Variants in GALNT13 observed in about 807,000 individuals in gnomAD.
The protein encoded by GALNT13 is polypeptide N-acetylgalactosaminyltransferase 13, also known as UDP-GalNAc:polypeptide N-acetylgalactosaminyltransferase 13.
GALNT13 carries 28 observed loss-of-function variants against 64.2 expected under a neutral mutation model. That is an observed-to-expected ratio of 0.44 (90% CI 0.32 to 0.60). The LOEUF is 0.60. Among genes scored for constraint, GALNT13 ranks in the 20% least tolerant of loss-of-function variants. GALNT13 has a pLI of 0.05. For synonymous variants in GALNT13, 214 were observed against 224.6 expected, an observed-to-expected ratio of 0.95 and a Z score of 0.42; for missense variants, 577 against 669.8, an observed-to-expected ratio of 0.86 and a Z score of 1.53.
chr2:154,268,081 TTGAG>T (rs926191962), intron 8 of GALNT13, among the ~76,000 whole-genome samples: 3 of 152,216 alleles, frequency 2.0e-5, no homozygotes, highest in African/African-American at 7.2e-5. Flanking sequence ...TTAAACACTC[TTGAG>T]TATTTACTCA....
chr2:153,441,080 G>A, the GALNT13 span, among the ~76,000 whole-genome samples: 1 of 152,086 alleles, frequency 6.6e-6, no homozygotes, highest in Non-Finnish European at 1.5e-5. Context: ...TATGGTTTTA[G>A]GTTTTGCATT....
chr2:154,335,551 A>G (rs1695395372), intron 9 of GALNT13, among the ~76,000 whole-genome samples: 1 of 151,998 alleles, frequency 6.6e-6, no homozygotes, highest in African/African-American at 2.4e-5. Flanking sequence ...CAAAACACCA[A>G]GGATATTAAA....
At chr2:154,317,628 AG>A (rs1307905499) in intron 9 of GALNT13, among the ~76,000 whole-genome samples, 3 of 152,182 alleles carry the variant, frequency 2.0e-5, no homozygotes. Flanking sequence ...TCTAATAAAA[AG>A]CTTTTCAACC....
chr2:153,927,923 ATGT>A (rs1210096750), intron 2 of GALNT13, among the ~76,000 whole-genome samples: 1 of 152,114 alleles, frequency 6.6e-6, no homozygotes, highest in African/African-American at 2.4e-5. Context: ...CATGGATAAG[ATGT>A]TGTTAAAAAT....
At chr2:153,642,016 T>C in the GALNT13 span, among the ~76,000 whole-genome samples, 3 of 151,966 alleles carry the variant, frequency 2.0e-5, no homozygotes, top group East Asian at 1.9e-4. Flanking sequence ...AACTTAGAGT[T>C]TTTGGTATAT....
chr2:154,416,235 T>C (rs1574265922), intron 11 of GALNT13, among the ~76,000 whole-genome samples: 1 of 152,254 alleles, frequency 6.6e-6, no homozygotes, highest in South Asian at 2.1e-4. Flanking sequence ...CAGAAATTTA[T>C]TGTACACAGT....
the GALNT13 span, among the ~76,000 whole-genome samples, chr2:153,835,469 A>G: frequency 6.6e-6 from 1 of 152,080 alleles, no homozygotes; most frequent in South Asian, 2.1e-4. Context: ...AAATAATTAG[A>G]ATAAAGAATG....
chr2:154,359,133 C>A (rs1307993577), intron 9 of GALNT13, among the ~76,000 whole-genome samples: 1 of 152,018 alleles, frequency 6.6e-6, no homozygotes, highest in Non-Finnish European at 1.5e-5. Flanking sequence ...TTTTGACTTT[C>A]CTTCCCCTGC....
chr2:154,068,280 CA>C (rs1273826175), intron 3 of GALNT13, among the ~76,000 whole-genome samples: 1 of 151,898 alleles, frequency 6.6e-6, no homozygotes, highest in Non-Finnish European at 1.5e-5. Context: ...TAAATTAATA[CA>C]AGTACTATGG....
intron 8 of GALNT13, among the ~76,000 whole-genome samples, chr2:154,295,419 A>G (rs1025388951): frequency 6.6e-6 from 1 of 150,696 alleles, no homozygotes; most frequent in African/African-American, 2.4e-5. Flanking sequence ...GCTGGAGTGC[A>G]GTGGCGCGAC....
chr2:153,347,824 G>A, the GALNT13 span, among the ~76,000 whole-genome samples: 3 of 152,194 alleles, frequency 2.0e-5, no homozygotes, highest in African/African-American at 7.2e-5. Flanking sequence ...TTTACTCTTA[G>A]TAATCATTAT....
chr2:154,428,645 G>A (rs931008636), intron 11 of GALNT13, among the ~76,000 whole-genome samples: 2 of 152,082 alleles, frequency 1.3e-5, no homozygotes, highest in Non-Finnish European at 2.9e-5. Flanking sequence ...CCTACATGGA[G>A]CATGTCTATT....
At chr2:153,074,875 C>T in the GALNT13 span, among the ~76,000 whole-genome samples, 1 of 152,128 alleles carries the variant, frequency 6.6e-6, no homozygotes, top group Non-Finnish European at 1.5e-5. Context: ...GCTGAGATTA[C>T]ATACATGCCA....
At chr2:153,861,246 A>G in the GALNT13 span, among the ~76,000 whole-genome samples, 1 of 152,202 alleles carries the variant, frequency 6.6e-6, no homozygotes, top group African/African-American at 2.4e-5. Context: ...ATCTATTATT[A>G]TATGTAGTGT....
the GALNT13 span, among the ~76,000 whole-genome samples, chr2:153,452,718 C>T: frequency 2.0e-5 from 3 of 152,068 alleles, no homozygotes; most frequent in South Asian, 6.2e-4. Context: ...TCTACAGATT[C>T]AAGCTATTCC....
At position 154,196,762 on chromosome 2, in the gene GALNT13, A is replaced by G. The variant is rs747083227; in HGVS notation, c.312-45268A>G. Reference sequence around the variant, plus strand: ...ATAATTATAGATTTGGACTTTCACAATCAAAAGCTCTTTGGTTGCTCTTTG... The same window carrying G: ...ATAATTATAGATTTGGACTTTCACAGTCAAAAGCTCTTTGGTTGCTCTTTG... On this transcript the variant is annotated intron_variant, in intron 4 of 12. Transcript: ENST00000392825. 2.6e-5 allele frequency among the ~76,000 whole-genome samples: 4 copies of G among 152,332 alleles called. No homozygotes were observed. The South Asian group carries it at 6.2e-4, about 24-fold the overall frequency.
intron 3 of GALNT13, among the ~76,000 whole-genome samples, chr2:154,031,846 A>G (rs551648978): frequency 3.3e-5 from 5 of 152,068 alleles, no homozygotes; most frequent in African/African-American, 9.6e-5. Context: ...TCACTAATTA[A>G]TAAAACAACC....
chr2:153,685,849 C>T, the GALNT13 span, among the ~76,000 whole-genome samples: 2 of 151,696 alleles, frequency 1.3e-5, no homozygotes, highest in Admixed American at 6.6e-5. Context: ...GGAAGGGGAC[C>T]GGTTTCAATT....
intron 3 of GALNT13, among the ~76,000 whole-genome samples, chr2:154,041,057 A>G (rs1428361021): frequency 1.4e-5 from 2 of 140,118 alleles, no homozygotes; most frequent in East Asian, 4.0e-4. Context: ...TGGTTTGTTC[A>G]TTAAAAAAAG....
Sources: allele counts gnomAD v4.1 joint callset (sites outside exome capture counted in the v4.1 genomes callset), GRCh38; gene constraint gnomAD v4.1.1; transcripts MANE v1.5; gene names NCBI Gene and HGNC (gene_info 2026-07-23, HGNC 2026-07-21).